WHRN: variants seen among roughly 807,000 people sequenced by gnomAD.
WHRN encodes the protein whirlin.
Under a neutral mutation model 68.3 loss-of-function variants are expected in WHRN, and 41 were observed. That is an observed-to-expected ratio of 0.60 (90% CI 0.47 to 0.78). WHRN has a LOEUF of 0.78. Ranked by LOEUF, WHRN falls within the 30% of genes least tolerant of loss-of-function variation. WHRN has a pLI of 0.00. For missense variants in WHRN, 1,243 were observed against 1,244.7 expected, an observed-to-expected ratio of 1.00 and a Z score of 0.02; for synonymous variants, 560 against 561.3, an observed-to-expected ratio of 1.00 and a Z score of 0.03.
intron 3 of WHRN, among the ~76,000 whole-genome samples, chr9:114,458,836 T>C (rs1589181824): frequency 6.6e-6 from 1 of 152,190 alleles, no homozygotes; most frequent in Non-Finnish European, 1.5e-5. Flanking sequence ...AGAGAAATGG[T>C]GGCAGCCAAT....
At chr9:114,447,266 G>A (rs566998729) in intron 3 of WHRN, among the ~76,000 whole-genome samples, 2 of 152,238 alleles carry the variant, frequency 1.3e-5, no homozygotes, top group East Asian at 3.9e-4. Flanking sequence ...GAAGGGCCGT[G>A]CAGTGGCCAC....
At chr9:114,445,479 T>C (rs546479190) in intron 3 of WHRN, among the ~76,000 whole-genome samples, 2 of 152,346 alleles carry the variant, frequency 1.3e-5, no homozygotes, top group African/African-American at 4.8e-5. Context: ...AAGTTCTTTA[T>C]TCATGTTCTG....
chr9:114,444,417 A>G (rs1416724022), intron 3 of WHRN, among the ~76,000 whole-genome samples: 1 of 152,184 alleles, frequency 6.6e-6, no homozygotes, highest in Admixed American at 6.5e-5. Flanking sequence ...TGCCATTAAA[A>G]ATGATATATA....
At chr9:114,457,317 T>C (rs1157742121) in intron 3 of WHRN, among the ~76,000 whole-genome samples, 1 of 152,128 alleles carries the variant, frequency 6.6e-6, no homozygotes, top group Non-Finnish European at 1.5e-5. Context: ...AGTAAAGACA[T>C]GCTGTAAAGT....
intron 3 of WHRN, among the ~76,000 whole-genome samples, chr9:114,452,112 G>C (rs772642403): frequency 6.6e-6 from 1 of 152,170 alleles, no homozygotes; most frequent in African/African-American, 2.4e-5. Flanking sequence ...CAGCAACATA[G>C]GAAAGGTAAA....
chr9:114,450,293 G>A (rs775599844), intron 3 of WHRN, among the ~76,000 whole-genome samples: 10 of 152,204 alleles, frequency 6.6e-5, no homozygotes, highest in Admixed American at 1.3e-4. Context: ...ACAAGTCCTC[G>A]AAAGCAGGGG....
intron 3 of WHRN, among the ~76,000 whole-genome samples, chr9:114,453,498 T>G (rs2132742526): frequency 6.6e-6 from 1 of 152,340 alleles, no homozygotes; most frequent in South Asian, 2.1e-4. Flanking sequence ...TATTTCATTC[T>G]GTGATTATGG....
chr9:114,479,336 G>C (rs947739436), intron 1 of WHRN, among the ~76,000 whole-genome samples: 1 of 152,168 alleles, frequency 6.6e-6, no homozygotes, highest in African/African-American at 2.4e-5. Flanking sequence ...GGAGGAATTA[G>C]TGTGTTCTGT....
Position 114,423,515 on chromosome 9 carries a change from G to C in WHRN, c.1425C>G (p.Leu475=). ...KLLNTHAKFS[L]LSEVRGTISP... ...AAATGGTGCCTCTCACCTCAGAGAG[G>C]AGTGAGAACTGGAGGCGGGGACAAA... The change falls in exon 7 of 12, where the codon CTC becomes CTG. Residue 475 remains leucine, a synonymous_variant. Transcript: ENST00000362057. 6.2e-7 allele frequency: 1 copy of C among 1,607,504 alleles called. No individual in the cohort carries two copies. Among genetic ancestry groups the C allele is most frequent in the South Asian group, 1.1e-5 (1 of 90,910 alleles).
intron 1 of WHRN, among the ~76,000 whole-genome samples, chr9:114,488,592 C>A (rs1000483442): frequency 1.3e-5 from 2 of 152,200 alleles, no homozygotes; most frequent in Middle Eastern, 3.4e-3. Context: ...AGGATGTAAA[C>A]AAAAGAAAGT....
intron 1 of WHRN, 37 bp downstream of exon 1, chr9:114,504,147 T>C (rs528351069): frequency 2.5e-6 from 4 of 1,613,328 alleles, no homozygotes; most frequent in African/African-American, 2.7e-5. Context: ...ACTCTGTCCA[T>C]ACTCTGCCCC....
intron 1 of WHRN, among the ~76,000 whole-genome samples, chr9:114,494,731 T>G (rs774396639): frequency 6.6e-6 from 1 of 152,228 alleles, no homozygotes; most frequent in Non-Finnish European, 1.5e-5. Context: ...AACAAAGTGA[T>G]GAAAATGATA....
rs1400991291 is a variant in WHRN at position 114,403,316 on chromosome 9, G to A, written c.2442C>T (p.Ser814=). Residue 814 remains serine (S), a synonymous_variant, in exon 11 of 12, where the codon TCC becomes TCT. Transcript: ENST00000362057. ...NKPPGLLEPT[S]TLVRVKKSAA... Reference sequence around the variant, plus strand: ...CACTTTTCTTCACACGGACCAGAGTGGACGTGGGCTCCAGAAGTCCAGGCT... The same window carrying A: ...CACTTTTCTTCACACGGACCAGAGTAGACGTGGGCTCCAGAAGTCCAGGCT... The A allele has an allele frequency of 1.9e-6, 3 of 1,614,086 alleles. No homozygotes were observed. The highest frequency in any genetic ancestry group is 2.2e-5 in the East Asian group (1 of 44,852).
chr9:114,417,668 T>C (rs1835913628), intron 7 of WHRN, among the ~76,000 whole-genome samples: 1 of 152,216 alleles, frequency 6.6e-6, no homozygotes, highest in Admixed American at 6.5e-5. Flanking sequence ...CATTTTAGGG[T>C]TATTACTCAG....
chr9:114,403,839 C>T (rs1834834531), intron 10 of WHRN, 57 bp downstream of exon 10: 1 of 1,600,430 alleles, frequency 6.2e-7, no homozygotes, highest in Admixed American at 1.7e-5. Flanking sequence ...ACCTCCCATT[C>T]TGTGCCTGGG....
At chr9:114,448,853 C>T (rs1839066978) in intron 3 of WHRN, among the ~76,000 whole-genome samples, 1 of 152,220 alleles carries the variant, frequency 6.6e-6, no homozygotes, top group African/African-American at 2.4e-5. Context: ...CACATCACCC[C>T]TGCTGTGCCT....
chr9:114,416,477 C>T (rs1340614906), intron 7 of WHRN, among the ~76,000 whole-genome samples: 2 of 152,166 alleles, frequency 1.3e-5, no homozygotes, highest in Non-Finnish European at 2.9e-5. Context: ...TTGCTGTTCT[C>T]GTGATAGTGA....
At chr9:114,497,606 A>C (rs1843574002) in intron 1 of WHRN, among the ~76,000 whole-genome samples, 1 of 152,192 alleles carries the variant, frequency 6.6e-6, no homozygotes, top group Non-Finnish European at 1.5e-5. Flanking sequence ...ATTGCTTCAG[A>C]ATGCATAAAT....
rs537133416 is a variant in WHRN at position 114,452,452 on chromosome 9, A to G, written c.963+13815T>C. Among the ~76,000 whole-genome samples the G allele has an allele frequency of 2.4e-4, 36 of 152,328 alleles. No homozygotes were observed. The South Asian group carries it at 7.5e-3, about 32-fold the overall frequency. On this transcript the variant is annotated intron_variant, in intron 3 of 11. Transcript: ENST00000362057. ...ACCTGGCACACAGTAAGTATCCGGG[A>G]AATTGTTCTTGTCTTGAAGAAGTGA... is the stretch of plus-strand genomic sequence containing the variant.
Sources: allele counts gnomAD v4.1 joint callset (sites outside exome capture counted in the v4.1 genomes callset), GRCh38; gene constraint gnomAD v4.1.1; transcripts MANE v1.5; gene names NCBI Gene and HGNC (gene_info 2026-07-23, HGNC 2026-07-21).